The following GIMAP5 variants were observed in gnomAD, a reference collection of about 807,000 sequenced individuals.
GIMAP5 encodes the protein GTPase, IMAP family member 5.
GIMAP5 carries 8 observed loss-of-function variants against 9.9 expected under a neutral mutation model. The observed-to-expected ratio is 0.81, with a 90% confidence interval of 0.47 to 1.45. The LOEUF is 1.45. Among genes scored for constraint, GIMAP5 ranks in the 40% most tolerant of loss-of-function variants. GIMAP5 has a pLI of 0.00. For synonymous variants in GIMAP5, 174 were observed against 151.4 expected, an observed-to-expected ratio of 1.15 and a Z score of -1.09; for missense variants, 353 against 367.4, an observed-to-expected ratio of 0.96 and a Z score of 0.32.
At chr7:150,740,140 G>C (rs1188296878) in intron 1 of GIMAP5, 2 of 152,172 alleles carry the variant, frequency 1.3e-5, no homozygotes, top group Non-Finnish European at 2.9e-5. Flanking sequence ...GCAATAACCA[G>C]TCACGTGGAA....
chr7:150,740,095 T>C (rs1475952340), intron 1 of GIMAP5: 2 of 152,178 alleles, frequency 1.3e-5, no homozygotes, highest in Admixed American at 6.5e-5. Flanking sequence ...GTGGTGCAAA[T>C]AGGAGTTAAC....
Position 150,737,549 on chromosome 7 carries a change from C to A in GIMAP5, c.-166C>A. 1 of 1,535,704 alleles carries A rather than the reference C, an allele frequency of 6.5e-7. No homozygotes were observed. ...GCCCCAGCACATGGCTCCTCCTTAA[C>A]TGCGTCTGCTCAACCTCCCTCAGCC... On this transcript the variant is annotated 5_prime_UTR_variant, in exon 1 of 3. It adds an upstream start codon to the 5' untranslated region. Coordinates refer to ENST00000358647, the MANE Select transcript of GIMAP5 (RefSeq NM_018384.5).
At chr7:150,741,658 C>G (rs1797596504) in intron 2 of GIMAP5, among the ~76,000 whole-genome samples, 1 of 152,170 alleles carries the variant, frequency 6.6e-6, no homozygotes, top group Non-Finnish European at 1.5e-5. Context: ...AGGGCACAGA[C>G]CCAGGGACAG....
intron 1 of GIMAP5, chr7:150,739,576 A>G (rs1297365484): frequency 1.3e-5 from 2 of 152,218 alleles, no homozygotes; most frequent in Non-Finnish European, 2.9e-5. Context: ...ACCTCAGAAA[A>G]CGTCATCTAA....
In GIMAP5 at chr7:150,740,891, G is replaced by C; in HGVS notation, c.7G>C (p.Gly3Arg). MGGFQRGKYGTMA... is the reference protein window; with the variant it reads MGRFQRGKYGTMA... ...GTTTTTATTCCAGGAGAGAATGGGA[G>C]GATTCCAGAGGGGCAAATATGGAAC... The change falls in exon 2 of 3, where the codon GGA becomes CGA. Residue 3 changes from glycine (G) to arginine (R), a missense_variant. Transcript: ENST00000358647. The C allele has an allele frequency of 6.2e-7, 1 of 1,614,024 alleles. No individual in the cohort carries two copies. Among genetic ancestry groups the C allele is most frequent in the Non-Finnish European group, 8.5e-7 (1 of 1,179,950 alleles).
chr7:150,742,112 A>G (rs766268384), intron 2 of GIMAP5, 71 bp from the exon 3 acceptor site: 8 of 1,516,656 alleles, frequency 5.3e-6, no homozygotes, highest in Non-Finnish European at 7.1e-6. Context: ...TTCATGAGAT[A>G]ACCATGAACA....
chr7:150,737,679 C>G lies in GIMAP5; in HGVS notation c.-36C>G, dbSNP rs748180548. The G allele has an allele frequency of 3.1e-5, 47 of 1,535,612 alleles. No homozygotes were observed. The Admixed American group carries it at 3.7e-4, about 12-fold the overall frequency. On this transcript the variant is annotated 5_prime_UTR_variant, in exon 1 of 3. Transcript: ENST00000358647. ...GGCCAGAGCCTCAGTGACTGCCACC[C>G]TGGAGGACAGGGCACAACAACCGTT...
chr7:150,741,548 C>T (rs532228286), intron 2 of GIMAP5, among the ~76,000 whole-genome samples: 2 of 152,268 alleles, frequency 1.3e-5, no homozygotes, highest in Admixed American at 1.3e-4. Context: ...TATCTTCCAC[C>T]TTTTTGAGCC....
In GIMAP5 at chr7:150,743,023, T is replaced by A; in HGVS notation, c.884T>A (p.Leu295His). 1 of 1,611,242 alleles carries A rather than the reference T, an allele frequency of 6.2e-7. No individual in the cohort carries two copies. The highest frequency in any genetic ancestry group is 8.5e-7 in the Non-Finnish European group (1 of 1,178,118). The change falls in exon 3 of 3, where the codon CTT becomes CAT. Residue 295 changes from leucine (L) to histidine (H), a missense_variant. By Grantham distance (99) the Leu-to-His change is moderately conservative. Transcript: ENST00000358647. ...GTTTTTCTATTGTTGTGCAGCATACTTTTTTTCATTATTTTTCTGTTCATC... is the reference window on the plus strand; with the variant it reads ...GTTTTTCTATTGTTGTGCAGCATACATTTTTTCATTATTTTTCTGTTCATC... ...IFVFLLLCSILFFIIFLFIFH... is the reference protein window; with the variant it reads ...IFVFLLLCSIHFFIIFLFIFH...
rs562853650 is a variant in GIMAP5 at position 150,743,153 on chromosome 7, A to G, written c.*90A>G. On this transcript the variant is annotated 3_prime_UTR_variant, in exon 3 of 3. Coordinates refer to ENST00000358647, the MANE Select transcript of GIMAP5 (RefSeq NM_018384.5). ...ATTCAGACTCAGATCCTCGTGGTCT[A>G]TGGAGCATGCTGCTTGCTGTCTGTG... 2.7e-6 allele frequency: 4 copies of G among 1,477,398 alleles called. No individual in the cohort carries two copies. The highest frequency in any genetic ancestry group is 3.6e-6 in the Non-Finnish European group (4 of 1,102,708). 91.5% of individuals were successfully genotyped at this position (1,477,398 alleles called of 1,614,324 possible).
At chr7:150,739,911 A>G (rs1797569843) in intron 1 of GIMAP5, 1 of 152,242 alleles carries the variant, frequency 6.6e-6, no homozygotes. Context: ...TGAAGTTTAT[A>G]AATTACCAAA....
intron 2 of GIMAP5, 126 bp from the exon 3 acceptor site, chr7:150,742,057 G>A (rs1797603255): frequency 8.6e-7 from 1 of 1,165,806 alleles, no homozygotes. Context: ...ACACTTTTAT[G>A]TACACATAAA....
In GIMAP5 at chr7:150,742,237, T is replaced by A. The variant is rs997503558; in HGVS notation, c.98T>A (p.Val33Glu). ...ATPPALRIILVGKTGCGKSAT... is the reference protein window; with the variant it reads ...ATPPALRIILEGKTGCGKSAT... ...CCACCGGCATTGAGGATTATCCTAG[T>A]GGGCAAAACAGGCTGCGGGAAAAGT... Residue 33 changes from valine to glutamate, a missense_variant, in exon 3 of 3, where the codon GTG (valine) becomes GAG (glutamate). Transcript: ENST00000358647. 1 of 1,614,212 alleles carries A rather than the reference T, an allele frequency of 6.2e-7. No individual in the cohort carries two copies. The highest frequency in any genetic ancestry group is 1.3e-5 in the African/African-American group (1 of 75,052).
In GIMAP5 at chr7:150,740,995, C is replaced by T. The variant is rs897484567; in HGVS notation, c.43+68C>T. The T allele has an allele frequency of 4.8e-5, 74 of 1,556,086 alleles. 1 individual carries two copies. Among genetic ancestry groups the T allele is most frequent in the South Asian group, 1.1e-5 (1 of 88,948 alleles). On this transcript the variant is annotated intron_variant, in intron 2 of 2. Transcript: ENST00000358647. Reference sequence around the variant, plus strand: ...AGAATCACAATTCTCTCCCCATCTACCCCCATCTAAAACACAGTGGCAGAA... The same window carrying T: ...AGAATCACAATTCTCTCCCCATCTATCCCCATCTAAAACACAGTGGCAGAA...
Position 150,737,527 on chromosome 7 carries a change from C to T in GIMAP5, c.-188C>T. 2 of 1,535,588 alleles carry T rather than the reference C, an allele frequency of 1.3e-6. No individual in the cohort carries two copies. Among genetic ancestry groups the T allele is most frequent in the South Asian group, 1.2e-5 (1 of 84,066 alleles). ...CAGCTGAGTCATGGAGCTTTCAGCC[C>T]CAGCACATGGCTCCTCCTTAACTGC... On this transcript the variant is annotated 5_prime_UTR_variant, in exon 1 of 3. Transcript: ENST00000358647.
chr7:150,741,060 A>G (rs1797587246), intron 2 of GIMAP5, 133 bp downstream of exon 2: 2 of 823,962 alleles, frequency 2.4e-6, no homozygotes, highest in East Asian at 2.7e-5. Flanking sequence ...GGCAACTATC[A>G]TCACGTGTGT....
At chr7:150,740,682 A>G in intron 1 of GIMAP5, 197 bp from the exon 2 acceptor site, 1 of 559,316 alleles carries the variant, frequency 1.8e-6, no homozygotes, top group Non-Finnish European at 3.2e-6. Flanking sequence ...TTTTAGCATA[A>G]CCTAACATCT....
rs2116570427 is a variant in GIMAP5 at position 150,737,460 on chromosome 7, G to A, written c.-255G>A. ...CACCAGGGTGTCCTAGTCCGCAGAGGTGTGGGGGACACACTCCATAATCTC... is the reference window on the plus strand; with the variant it reads ...CACCAGGGTGTCCTAGTCCGCAGAGATGTGGGGGACACACTCCATAATCTC... On this transcript the variant is annotated 5_prime_UTR_variant, in exon 1 of 3. The change creates a new upstream start codon in the 5' untranslated region. Coordinates refer to ENST00000358647, the MANE Select transcript of GIMAP5 (RefSeq NM_018384.5). The A allele has an allele frequency of 3.5e-6, 5 of 1,446,744 alleles. No individual in the cohort carries two copies. In the East Asian group the frequency reaches 7.4e-5, roughly 21 times the overall value. 89.6% of individuals were successfully genotyped at this position (1,446,744 alleles called of 1,614,324 possible).
In GIMAP5 at chr7:150,742,498, T is replaced by C; in HGVS notation, c.359T>C (p.Leu120Pro). The C allele has an allele frequency of 6.2e-7, 1 of 1,614,188 alleles. No individual in the cohort carries two copies. The highest frequency in any genetic ancestry group is 8.5e-7 in the Non-Finnish European group (1 of 1,180,022). Reference protein sequence around the residue: ...GPHVLLLVIQLGRFTAQDTVA... With the variant: ...GPHVLLLVIQPGRFTAQDTVA... ...CACGTCCTGCTTCTGGTGATCCAGCTGGGGCGTTTCACTGCTCAGGACACA... is the reference window on the plus strand; with the variant it reads ...CACGTCCTGCTTCTGGTGATCCAGCCGGGGCGTTTCACTGCTCAGGACACA... The change falls in exon 3 of 3, where the codon CTG becomes CCG. Residue 120 changes from leucine to proline, a missense_variant. By Grantham distance (98) the Leu-to-Pro change is moderately conservative. Transcript: ENST00000358647.
Sources: gnomAD v4.1 joint callset for allele counts (sites outside exome capture counted in the v4.1 genomes callset) on GRCh38, gnomAD v4.1.1 for gene constraint, MANE v1.5 for transcripts, NCBI Gene and HGNC (gene_info 2026-07-23, HGNC 2026-07-21) for gene names.